The following CDH13 variants were observed in gnomAD, a reference collection of about 807,000 sequenced individuals.
CDH13 encodes the protein cadherin-13.
A neutral mutation model predicts 63.8 loss-of-function variants in CDH13; 24 were observed. The observed-to-expected ratio is 0.38, with a 90% confidence interval of 0.27 to 0.53. The LOEUF (loss-of-function observed/expected upper bound fraction) is 0.53. Ranked by LOEUF, CDH13 falls within the 20% of genes least tolerant of loss-of-function variation. CDH13 has a pLI of 0.85. For synonymous variants in CDH13, 503 were observed against 355.3 expected (o/e 1.42, Z -4.67); for missense variants, 1,049 against 903.1 (o/e 1.16, Z -2.07).
rs148226615 is a variant in CDH13, at chr16:83,428,101, G to A, written c.782-58376G>A. ...GTCATTTATGTTCATAAGTTGGGGC[G>A]AAAGCTCCACTGGCTAGTAGCAGCA... On this transcript the variant is annotated intron_variant, in intron 6 of 13. Transcript: ENST00000567109. 9.9e-5 allele frequency among the ~76,000 whole-genome samples: 15 copies of A among 152,274 alleles called. No homozygotes were observed. The East Asian group carries it at 1.3e-3, about 14-fold the overall frequency.
intron 11 of CDH13, among the ~76,000 whole-genome samples, chr16:83,770,188 C>A (rs1224985814): frequency 6.6e-6 from 1 of 152,124 alleles, no homozygotes. Context: ...GCTTCCCACA[C>A]AAAGCAATAT....
intron 2 of CDH13, among the ~76,000 whole-genome samples, chr16:82,905,681 A>G (rs1597183485): frequency 6.6e-6 from 1 of 152,228 alleles, no homozygotes; most frequent in African/African-American, 2.4e-5. Context: ...GGTAAAATTA[A>G]TTTTAATAAT....
intron 5 of CDH13, among the ~76,000 whole-genome samples, chr16:83,318,077 A>G (rs770358057): frequency 6.6e-6 from 1 of 152,200 alleles, no homozygotes; most frequent in Non-Finnish European, 1.5e-5. Context: ...GGTAATAATG[A>G]TACCTATCCC....
chr16:82,725,970 G>T (rs79643359), intron 1 of CDH13, among the ~76,000 whole-genome samples: 7,669 of 152,222 alleles, frequency 0.05, 276 homozygotes, highest in Non-Finnish European at 0.074. Flanking sequence ...AGGTGAAGGT[G>T]TGAAACCTTT....
chr16:83,153,773 C>T (rs1206485373), intron 4 of CDH13, among the ~76,000 whole-genome samples: 1 of 152,180 alleles, frequency 6.6e-6, no homozygotes, highest in African/African-American at 2.4e-5. Context: ...ACTTCCAAAA[C>T]CATGAGACAG....
At chr16:83,560,034 C>T (rs747466517) in intron 7 of CDH13, among the ~76,000 whole-genome samples, 3 of 152,144 alleles carry the variant, frequency 2.0e-5, no homozygotes, top group South Asian at 2.1e-4. Flanking sequence ...AAACCCTCAT[C>T]GCTTCAACTT....
intron 8 of CDH13, among the ~76,000 whole-genome samples, chr16:83,643,469 G>C (rs1911501632): frequency 6.6e-6 from 1 of 152,086 alleles, no homozygotes. Context: ...CTGTAAAAAG[G>C]GAGAACTATT....
chr16:82,799,335 G>A (rs2036740451), intron 1 of CDH13, among the ~76,000 whole-genome samples: 1 of 152,152 alleles, frequency 6.6e-6, no homozygotes, highest in Non-Finnish European at 1.5e-5. Flanking sequence ...TAAGAGCTTG[G>A]CACCCAATCC....
chr16:83,515,898 TA>T, intron 7 of CDH13, among the ~76,000 whole-genome samples: 1 of 152,178 alleles, frequency 6.6e-6, no homozygotes, highest in Non-Finnish European at 1.5e-5. Flanking sequence ...ATATAGGAAT[TA>T]AACAGACAAG....
intron 11 of CDH13, among the ~76,000 whole-genome samples, chr16:83,774,181 A>C (rs1413703009): frequency 6.6e-6 from 1 of 152,170 alleles, no homozygotes; most frequent in Non-Finnish European, 1.5e-5. Context: ...AGCCTAGGAC[A>C]TTGGTCCCAG....
At chr16:83,630,376 C>T (rs180941387) in intron 8 of CDH13, among the ~76,000 whole-genome samples, 260 of 152,308 alleles carry the variant, frequency 1.7e-3, no homozygotes, top group Non-Finnish European at 2.9e-3. Context: ...CCTGATGACA[C>T]GTGCCCGAGG....
rs567941209 is a variant in CDH13 at position 83,058,603 on chromosome 16, C to T, written c.366+26385C>T. On this transcript the variant is annotated intron_variant, in intron 3 of 13. Coordinates refer to ENST00000567109, the MANE Select transcript of CDH13 (RefSeq NM_001257.5). ...GGGCCAATCTCCACTCCTGAGCTCCCCTGACCACACAGGAAGAAAACATTA... is the reference window on the plus strand; with the variant it reads ...GGGCCAATCTCCACTCCTGAGCTCCTCTGACCACACAGGAAGAAAACATTA... Among the ~76,000 whole-genome samples the T allele has an allele frequency of 3.3e-5, 5 of 152,268 alleles. No homozygotes were observed. In the East Asian group the frequency reaches 9.7e-4, roughly 29 times the overall value.
In CDH13 at chr16:83,110,291, T is replaced by A. The variant is rs563055420; in HGVS notation, c.367-15094T>A. Reference sequence around the variant, plus strand: ...CTCAAGAGTCACTTACGATGTTTAATTGGCATGTCTGTCTTTCAAAATGAA... The same window carrying A: ...CTCAAGAGTCACTTACGATGTTTAAATGGCATGTCTGTCTTTCAAAATGAA... On this transcript the variant is annotated intron_variant, in intron 3 of 13. Transcript: ENST00000567109. Among the ~76,000 whole-genome samples the A allele has an allele frequency of 3.3e-5, 5 of 152,348 alleles. No homozygotes were observed. The East Asian group carries it at 9.6e-4, about 29-fold the overall frequency.
At chr16:82,879,988 T>C (rs2040643206) in intron 2 of CDH13, among the ~76,000 whole-genome samples, 1 of 147,086 alleles carries the variant, frequency 6.8e-6, no homozygotes, top group Admixed American at 6.8e-5. Flanking sequence ...ATACAGATTA[T>C]ATATTAATAT....
At chr16:83,592,839 C>A (rs1480428350) in intron 7 of CDH13, among the ~76,000 whole-genome samples, 1 of 152,074 alleles carries the variant, frequency 6.6e-6, no homozygotes. Flanking sequence ...CACATTCGTA[C>A]CAAGAGGTAA....
intron 1 of CDH13, among the ~76,000 whole-genome samples, chr16:82,699,151 G>C (rs989271392): frequency 6.6e-6 from 1 of 152,186 alleles, no homozygotes; most frequent in East Asian, 1.9e-4. Flanking sequence ...CCTGATTGTT[G>C]AAGGTGGATA....
intron 1 of CDH13, among the ~76,000 whole-genome samples, chr16:82,804,989 T>C (rs915471810): frequency 3.9e-5 from 6 of 152,228 alleles, no homozygotes; most frequent in Admixed American, 6.5e-5. Context: ...AAGGATGATA[T>C]TCTCTTTGTA....
At chr16:82,914,604 G>C (rs1249616800) in intron 2 of CDH13, among the ~76,000 whole-genome samples, 1 of 152,154 alleles carries the variant, frequency 6.6e-6, no homozygotes, top group African/African-American at 2.4e-5. Context: ...AAAGAGAAAA[G>C]AAATTAAAGT....
At chr16:83,073,245 T>TA (rs2151546010) in intron 3 of CDH13, among the ~76,000 whole-genome samples, 1 of 151,714 alleles carries the variant, frequency 6.6e-6, no homozygotes, top group East Asian at 1.9e-4. Flanking sequence ...ATCACTGTGC[T>TA]AGTAAGAAAC....
Sources: gnomAD v4.1 joint callset for allele counts (sites outside exome capture counted in the v4.1 genomes callset) on GRCh38, gnomAD v4.1.1 for gene constraint, MANE v1.5 for transcripts, NCBI Gene and HGNC (gene_info 2026-07-23, HGNC 2026-07-21) for gene names.